Variants in EPHA6 observed in about 807,000 individuals in gnomAD.
EPHA6 encodes EPH receptor A6, also known as ephrin type-A receptor 6.
In EPHA6, 50 loss-of-function variants were observed where a neutral mutation model predicts 112.0. That is an observed-to-expected ratio of 0.45 (90% CI 0.36 to 0.56). EPHA6 has a LOEUF of 0.56. Ranked by LOEUF, EPHA6 falls within the 20% of genes least tolerant of loss-of-function variation. The pLI, the probability that EPHA6 is intolerant of heterozygous loss-of-function variation, is 0.00. For synonymous variants in EPHA6, 529 were observed against 490.7 expected, an observed-to-expected ratio of 1.08 and a Z score of -1.03; for missense variants, 1,280 against 1,417.4, an observed-to-expected ratio of 0.90 and a Z score of 1.56.
intron 3 of EPHA6, among the ~76,000 whole-genome samples, chr3:97,059,897 C>T (rs541895791): frequency 5.9e-5 from 9 of 151,770 alleles, no homozygotes; most frequent in South Asian, 2.1e-4. Context: ...CCGAGGTGGG[C>T]GGATCATGAG....
At chr3:97,380,971 T>G (rs1365932718) in intron 5 of EPHA6, among the ~76,000 whole-genome samples, 1 of 152,072 alleles carries the variant, frequency 6.6e-6, no homozygotes, top group African/African-American at 2.4e-5. Context: ...ATATAGATGC[T>G]TTTTCTCTTA....
At chr3:97,047,430 G>A (rs1414552145) in intron 3 of EPHA6, among the ~76,000 whole-genome samples, 1 of 150,082 alleles carries the variant, frequency 6.7e-6, no homozygotes, top group Non-Finnish European at 1.5e-5. Flanking sequence ...AACCCAGGAG[G>A]TGGAGCTTGC....
At chr3:96,909,148 G>A (rs962041706) in intron 2 of EPHA6, among the ~76,000 whole-genome samples, 49 of 151,810 alleles carry the variant, frequency 3.2e-4, no homozygotes, top group African/African-American at 1.1e-3. Context: ...AAATCATATA[G>A]TTTGGAAAGA....
intron 3 of EPHA6, among the ~76,000 whole-genome samples, chr3:97,122,811 A>G (rs750588064): frequency 8.5e-5 from 13 of 152,080 alleles, no homozygotes; most frequent in Non-Finnish European, 1.5e-4. Flanking sequence ...TAAAATATCA[A>G]ATATAAACAT....
At chr3:97,269,484 T>G (rs1174220524) in intron 5 of EPHA6, among the ~76,000 whole-genome samples, 1 of 152,194 alleles carries the variant, frequency 6.6e-6, no homozygotes, top group African/African-American at 2.4e-5. Flanking sequence ...GGGTGGACCC[T>G]GAACAGCTTC....
intron 3 of EPHA6, among the ~76,000 whole-genome samples, chr3:97,067,860 A>G (rs1223734752): frequency 6.6e-6 from 1 of 152,102 alleles, no homozygotes; most frequent in Non-Finnish European, 1.5e-5. Flanking sequence ...ACTCAGGGAT[A>G]GGCCAGGCAT....
At chr3:97,747,329 G>A in intron 16 of EPHA6, 94 bp from the exon 17 acceptor site, 1 of 1,105,176 alleles carries the variant, frequency 9.0e-7, no homozygotes, top group Non-Finnish European at 1.2e-6. Flanking sequence ...TTAGATGTAA[G>A]AATATTGTAA....
At chr3:97,617,876 A>G (rs1049928250) in intron 13 of EPHA6, among the ~76,000 whole-genome samples, 1 of 152,186 alleles carries the variant, frequency 6.6e-6, no homozygotes, top group African/African-American at 2.4e-5. Flanking sequence ...GATCATCAAG[A>G]TAGAAAATTC....
chr3:97,543,958 C>T (rs1440844411), intron 11 of EPHA6, among the ~76,000 whole-genome samples: 1 of 152,142 alleles, frequency 6.6e-6, no homozygotes, highest in Non-Finnish European at 1.5e-5. Context: ...TGAGACTTTG[C>T]TGAAGTTGCT....
chr3:96,957,171 G>A (rs141481146), intron 2 of EPHA6, among the ~76,000 whole-genome samples: 1 of 152,250 alleles, frequency 6.6e-6, no homozygotes, highest in African/African-American at 2.4e-5. Context: ...TAAAATAAGT[G>A]TTTACAAGGA....
rs1191053080 is a variant in EPHA6, at chr3:96,931,000, A to AG, written c.451-56330_451-56329insG. 7.1e-3 allele frequency among the ~76,000 whole-genome samples: 835 copies of AG among 117,830 alleles called. 76 individuals are homozygous for AG. The East Asian group carries it at 0.13, about 19-fold the overall frequency. The allele number at this position is 117,830 out of a possible 152,430, so 77.3% of individuals were successfully genotyped here. A position where few individuals can be genotyped will look rare whatever the true frequency, so the allele number is the denominator to read the frequency against. On this transcript the variant is annotated intron_variant, in intron 2 of 17. Coordinates refer to ENST00000389672, the MANE Select transcript of EPHA6 (RefSeq NM_001080448.3). ...GAGTGAGACTCTGTCTCCAAAAAAA[A>AG]AAAAAAAAAAAAAAAAAAAAAGAAA...
intron 11 of EPHA6, among the ~76,000 whole-genome samples, chr3:97,582,492 T>C (rs1200040912): frequency 6.6e-6 from 1 of 152,174 alleles, no homozygotes; most frequent in African/African-American, 2.4e-5. Flanking sequence ...GGAAATCCCA[T>C]GTCTTACCTC....
At position 97,536,384 on chromosome 3, in the gene EPHA6, C is replaced by T. The variant is rs140126041; in HGVS notation, c.2386+3841C>T. On this transcript the variant is annotated intron_variant, in intron 11 of 17. Transcript: ENST00000389672. ...GAAAAATGAAGTGCCTACCTCCCAGCTTAGACAGCAACAACTAAATTTAGA... is the reference window on the plus strand; with the variant it reads ...GAAAAATGAAGTGCCTACCTCCCAGTTTAGACAGCAACAACTAAATTTAGA... 1.2e-4 allele frequency among the ~76,000 whole-genome samples: 19 copies of T among 152,270 alleles called. No homozygotes were observed. The East Asian group carries it at 3.7e-3, about 29-fold the overall frequency.
chr3:97,475,491 AT>A, intron 8 of EPHA6, 31 bp downstream of exon 8: 1 of 1,436,946 alleles, frequency 7.0e-7, no homozygotes, highest in East Asian at 2.3e-5. Context: ...TATTTCCGAG[AT>A]TTATGAATAA....
chr3:97,541,727 G>T (rs967071793), intron 11 of EPHA6, among the ~76,000 whole-genome samples: 168 of 131,818 alleles, frequency 1.3e-3, no homozygotes, highest in African/African-American at 2.7e-3. Flanking sequence ...TCTTTTTTTT[G>T]TTTTTTTTTT....
intron 6 of EPHA6, among the ~76,000 whole-genome samples, chr3:97,409,254 T>A (rs2087553204): frequency 6.6e-6 from 1 of 152,098 alleles, no homozygotes; most frequent in Non-Finnish European, 1.5e-5. Flanking sequence ...AAGGATTTAC[T>A]TTGTTCACTT....
At chr3:96,866,600 T>C (rs558859606) in intron 1 of EPHA6, among the ~76,000 whole-genome samples, 2 of 151,962 alleles carry the variant, frequency 1.3e-5, no homozygotes, top group Non-Finnish European at 2.9e-5. Flanking sequence ...AACAAAAATA[T>C]ACATACTTTA....
At chr3:97,222,688 C>T (rs956894377) in intron 3 of EPHA6, among the ~76,000 whole-genome samples, 1 of 152,164 alleles carries the variant, frequency 6.6e-6, no homozygotes. Context: ...CATTACCAGA[C>T]CATGCATTAA....
intron 12 of EPHA6, among the ~76,000 whole-genome samples, chr3:97,596,883 TA>T: frequency 7.5e-6 from 1 of 134,202 alleles, no homozygotes; most frequent in Non-Finnish European, 1.6e-5. Flanking sequence ...GGAATATATA[TA>T]TATATATATA....
Sources: gnomAD v4.1 joint callset for allele counts (sites outside exome capture counted in the v4.1 genomes callset) on GRCh38, gnomAD v4.1.1 for gene constraint, MANE v1.5 for transcripts, NCBI Gene and HGNC (gene_info 2026-07-23, HGNC 2026-07-21) for gene names.